WASL: variants seen among roughly 807,000 people sequenced by gnomAD.
WASL encodes actin nucleation-promoting factor WASL.
In WASL, 20 loss-of-function variants were observed where a neutral mutation model predicts 55.5. The observed-to-expected ratio is 0.36, with a 90% CI of 0.25 to 0.52. WASL has a LOEUF of 0.52. WASL is among the 20% of genes least tolerant of loss of function. The pLI, the probability that WASL is intolerant of heterozygous loss-of-function variation, is 0.92. For synonymous variants in WASL, 249 were observed against 217.6 expected (o/e 1.14, Z -1.27); for missense variants, 504 against 622.5 (o/e 0.81, Z 2.03).
At chr7:123,743,851 C>T (rs530728903) in intron 1 of WASL, among the ~76,000 whole-genome samples, 1 of 152,232 alleles carries the variant, frequency 6.6e-6, no homozygotes, top group South Asian at 2.1e-4. Context: ...TAAGAATAAC[C>T]AGAAGTAAAA....
chr7:123,715,310 A>G (rs772549184), intron 1 of WASL, among the ~76,000 whole-genome samples: 7 of 152,188 alleles, frequency 4.6e-5, no homozygotes, highest in Non-Finnish European at 7.3e-5. Flanking sequence ...CCTGGAATCA[A>G]AGACCACATA....
At chr7:123,705,216 G>C (rs1467461853) in intron 4 of WASL, among the ~76,000 whole-genome samples, 4 of 152,104 alleles carry the variant, frequency 2.6e-5, no homozygotes, top group Non-Finnish European at 5.9e-5. Context: ...AGTCAGACAG[G>C]ACATGTTTTT....
At chr7:123,695,242 G>GCA (rs1224301889) in intron 7 of WASL, among the ~76,000 whole-genome samples, 2 of 152,066 alleles carry the variant, frequency 1.3e-5, no homozygotes, top group East Asian at 3.8e-4. Context: ...GTAATCCCAA[G>GCA]CACCTTGCAC....
At chr7:123,743,873 A>T (rs1374084563) in intron 1 of WASL, among the ~76,000 whole-genome samples, 1 of 152,072 alleles carries the variant, frequency 6.6e-6, no homozygotes, top group Non-Finnish European at 1.5e-5. Flanking sequence ...TCATAACCCA[A>T]CCCTGTTGGA....
intron 1 of WASL, among the ~76,000 whole-genome samples, chr7:123,728,751 G>A (rs898377369): frequency 3.9e-5 from 6 of 152,158 alleles, no homozygotes; most frequent in Admixed American, 3.3e-4. Context: ...CAGGAGAATC[G>A]CTTGAACGTG....
At chr7:123,696,288 G>A (rs1486134378) in intron 6 of WASL, among the ~76,000 whole-genome samples, 1 of 151,856 alleles carries the variant, frequency 6.6e-6, no homozygotes, top group Admixed American at 6.6e-5. Flanking sequence ...TTAGAGCAAA[G>A]TGAGAAATCA....
At chr7:123,693,271 C>G (rs1333503607) in intron 8 of WASL, among the ~76,000 whole-genome samples, 1 of 152,062 alleles carries the variant, frequency 6.6e-6, no homozygotes, top group East Asian at 1.9e-4. Context: ...AAAAAAGAAT[C>G]AAGTACACTT....
At chr7:123,708,957 G>A (rs1437674808) in intron 2 of WASL, 132 bp downstream of exon 2, 1 of 856,196 alleles carries the variant, frequency 1.2e-6, no homozygotes, top group Non-Finnish European at 1.6e-6. Context: ...TAAAAACCAA[G>A]CTTCACTCTT....
intron 7 of WASL, among the ~76,000 whole-genome samples, chr7:123,695,111 T>C (rs1385760377): frequency 6.6e-6 from 1 of 152,136 alleles, no homozygotes; most frequent in Non-Finnish European, 1.5e-5. Flanking sequence ...ATTAGCCTAT[T>C]CATGATTCAG....
intron 1 of WASL, among the ~76,000 whole-genome samples, chr7:123,732,484 C>G (rs1038924942): frequency 6.6e-6 from 1 of 152,116 alleles, no homozygotes; most frequent in African/African-American, 2.4e-5. Flanking sequence ...TGGAAAGACA[C>G]GATCTATCAA....
chr7:123,690,579 A>ATCCAACACTTAGAATAGAAGATATTT (rs544578074), intron 9 of WASL, among the ~76,000 whole-genome samples: 2 of 150,852 alleles, frequency 1.3e-5, no homozygotes, highest in African/African-American at 2.4e-5. Flanking sequence ...AATGGCCCCC[A>ATCCAACACTTAGAATAGAAGATATTT]TTCTTACACA....
intron 1 of WASL, among the ~76,000 whole-genome samples, chr7:123,710,786 A>C (rs914392576): frequency 1.3e-5 from 2 of 152,160 alleles, no homozygotes; most frequent in Non-Finnish European, 2.9e-5. Flanking sequence ...GAGACTGAAG[A>C]ATGTGGGACA....
intron 1 of WASL, among the ~76,000 whole-genome samples, chr7:123,727,353 TCACACACACA>T (rs150375537): frequency 7.4e-5 from 11 of 147,710 alleles, no homozygotes; most frequent in Admixed American, 5.4e-4. Context: ...AAAATATGTG[TCACACACACA>T]CACACACACA....
intron 4 of WASL, 27 bp from the exon 5 acceptor site, chr7:123,704,684 T>C: frequency 7.3e-7 from 1 of 1,371,328 alleles, no homozygotes; most frequent in Non-Finnish European, 1.0e-6. Context: ...TAGAAGAATA[T>C]TATTAAATAT....
At chr7:123,729,583 G>GATGT (rs1562964924) in intron 1 of WASL, among the ~76,000 whole-genome samples, 1 of 152,106 alleles carries the variant, frequency 6.6e-6, no homozygotes, top group South Asian at 2.1e-4. Context: ...TGAACAGGTT[G>GATGT]ATGTAAAGTT....
intron 5 of WASL, among the ~76,000 whole-genome samples, chr7:123,698,351 G>GA (rs34132314): frequency 0.047 from 6,373 of 135,974 alleles, 263 homozygotes; most frequent in African/African-American, 0.12. Context: ...AAAATTATCT[G>GA]AAAAAAAAAA....
intron 1 of WASL, among the ~76,000 whole-genome samples, chr7:123,727,216 T>C (rs1472130165): frequency 6.6e-6 from 1 of 152,200 alleles, no homozygotes; most frequent in South Asian, 2.1e-4. Context: ...GGAAGTCTCA[T>C]ACATAGCTGG....
At chr7:123,709,275 T>A in intron 1 of WASL, 52 bp from the exon 2 acceptor site, 1 of 1,493,702 alleles carries the variant, frequency 6.7e-7, no homozygotes, top group South Asian at 1.4e-5. Context: ...ATGTAGATGA[T>A]CATAGCCCCT....
intron 2 of WASL, among the ~76,000 whole-genome samples, chr7:123,708,815 GAACC>G (rs1356500401): frequency 6.7e-6 from 1 of 148,970 alleles, no homozygotes; most frequent in African/African-American, 2.5e-5. Context: ...GAAAGCCCAA[GAACC>G]AACAGGCATA....
Sources: gnomAD v4.1 joint callset for allele counts (sites outside exome capture counted in the v4.1 genomes callset) on GRCh38, gnomAD v4.1.1 for gene constraint, MANE v1.5 for transcripts, NCBI Gene and HGNC (gene_info 2026-07-23, HGNC 2026-07-21) for gene names.